Variants in BTBD9 observed in about 807,000 individuals in gnomAD.
BTBD9 encodes BTB domain containing 9.
A neutral mutation model predicts 64.3 loss-of-function variants in BTBD9; 49 were observed. That is an observed-to-expected ratio of 0.76 (90% confidence interval 0.61 to 0.97). BTBD9 has a LOEUF of 0.97. BTBD9 is among the 50% of genes least tolerant of loss of function. The pLI, the probability that BTBD9 is intolerant of heterozygous loss-of-function variation, is 0.00. For missense variants in BTBD9, 598 were observed against 762.1 expected (o/e 0.78, Z 2.53); for synonymous variants, 260 against 274.7 (o/e 0.95, Z 0.53).
At chr6:38,517,071 A>G (rs1431745867) in intron 6 of BTBD9, among the ~76,000 whole-genome samples, 2 of 152,146 alleles carry the variant, frequency 1.3e-5, no homozygotes, top group Non-Finnish European at 2.9e-5. Flanking sequence ...AGACTAGACA[A>G]TCTAAGGGTA....
intron 7 of BTBD9, among the ~76,000 whole-genome samples, chr6:38,315,561 C>T (rs1025583494): frequency 2.6e-5 from 4 of 152,012 alleles, no homozygotes; most frequent in Non-Finnish European, 5.9e-5. Context: ...TAATCTCTTC[C>T]TTGACCCACT....
At chr6:38,240,182 G>GT (rs1321802723) in intron 9 of BTBD9, among the ~76,000 whole-genome samples, 1 of 152,204 alleles carries the variant, frequency 6.6e-6, no homozygotes, top group Non-Finnish European at 1.5e-5. Context: ...TAGGTAGTAA[G>GT]TACTTCCAGA....
intron 9 of BTBD9, among the ~76,000 whole-genome samples, chr6:38,198,826 T>C (rs139381441): frequency 7.2e-5 from 11 of 152,316 alleles, no homozygotes; most frequent in African/African-American, 2.6e-4. Context: ...AATTAATACA[T>C]GCAGACACAT....
intron 8 of BTBD9, among the ~76,000 whole-genome samples, chr6:38,271,781 C>T (rs1444932277): frequency 6.6e-6 from 1 of 152,144 alleles, no homozygotes; most frequent in Non-Finnish European, 1.5e-5. Flanking sequence ...TGAGCTTAGC[C>T]TAGAAATGTC....
intron 6 of BTBD9, among the ~76,000 whole-genome samples, chr6:38,512,057 T>C (rs770341801): frequency 7.9e-5 from 12 of 152,160 alleles, no homozygotes; most frequent in Non-Finnish European, 1.2e-4. Context: ...CACCACAACC[T>C]CTGCCTCCCG....
intron 7 of BTBD9, among the ~76,000 whole-genome samples, 169 bp downstream of exon 7, chr6:38,344,815 T>C (rs1306796561): frequency 6.6e-6 from 1 of 152,252 alleles, no homozygotes; most frequent in Non-Finnish European, 1.5e-5. Flanking sequence ...TTGGAATTAC[T>C]ATATTGAATA....
intron 6 of BTBD9, among the ~76,000 whole-genome samples, chr6:38,555,981 G>A (rs1267885007): frequency 2.0e-5 from 3 of 152,212 alleles, no homozygotes; most frequent in Non-Finnish European, 2.9e-5. Context: ...GAATGTTTGA[G>A]TGGGAACTAA....
At chr6:38,551,553 G>A (rs1179725641) in intron 6 of BTBD9, among the ~76,000 whole-genome samples, 1 of 152,140 alleles carries the variant, frequency 6.6e-6, no homozygotes, top group African/African-American at 2.4e-5. Flanking sequence ...AGCCACTATT[G>A]TTATTTCCAT....
At chr6:38,513,768 T>A (rs566251720) in intron 6 of BTBD9, among the ~76,000 whole-genome samples, 1 of 152,240 alleles carries the variant, frequency 6.6e-6, no homozygotes, top group South Asian at 2.1e-4. Flanking sequence ...AAGTGGTGGC[T>A]TTTTTGGGGA....
At chr6:38,595,795 A>G in intron 2 of BTBD9, 1 of 985,330 alleles carries the variant, frequency 1.0e-6, no homozygotes, top group Non-Finnish European at 1.2e-6. Flanking sequence ...TACTCTGCCT[A>G]AAAGTACCCC....
intron 6 of BTBD9, among the ~76,000 whole-genome samples, chr6:38,482,892 C>G (rs1771223216): frequency 6.6e-6 from 1 of 152,116 alleles, no homozygotes; most frequent in Admixed American, 6.5e-5. Flanking sequence ...AATCTGGGTA[C>G]ATCTATTCTA....
At chr6:38,454,963 T>C (rs1295398466) in intron 6 of BTBD9, among the ~76,000 whole-genome samples, 2 of 152,074 alleles carry the variant, frequency 1.3e-5, no homozygotes, top group African/African-American at 4.8e-5. Flanking sequence ...AACCAACACT[T>C]CCTATAACCA....
At chr6:38,401,171 G>C (rs575696906) in intron 6 of BTBD9, among the ~76,000 whole-genome samples, 108 of 152,250 alleles carry the variant, frequency 7.1e-4, no homozygotes, top group Non-Finnish European at 2.4e-4. Flanking sequence ...CTGGGTCATG[G>C]GGACTGTTTC....
chr6:38,441,590 T>A (rs982930952), intron 6 of BTBD9, among the ~76,000 whole-genome samples: 11 of 151,798 alleles, frequency 7.2e-5, no homozygotes, highest in South Asian at 6.3e-4. Flanking sequence ...TTAAAAAAAA[T>A]TTTTTTTCAT....
intron 6 of BTBD9, among the ~76,000 whole-genome samples, chr6:38,410,812 G>A (rs1246805085): frequency 1.3e-5 from 2 of 152,152 alleles, no homozygotes; most frequent in Admixed American, 1.3e-4. Flanking sequence ...AGGATCACTT[G>A]AGCCTGGGAG....
At chr6:38,457,914 A>G (rs1422710883) in intron 6 of BTBD9, among the ~76,000 whole-genome samples, 4 of 152,288 alleles carry the variant, frequency 2.6e-5, no homozygotes, top group East Asian at 1.9e-4. Context: ...CTGATACTTA[A>G]TAAGTGCTTA....
rs1055377775 is a variant in BTBD9, at chr6:38,350,661, T to C, written c.1155-5568A>G. ...ATATTCTTAGGTTAAACAAAGAATC[T>C]TGAAAACTAGAGTTAGCCTGAGATT... On this transcript the variant is annotated intron_variant, in intron 6 of 10. Coordinates refer to ENST00000481247, the MANE Select transcript of BTBD9 (RefSeq NM_001099272.2). Among the ~76,000 whole-genome samples, 18 of 152,354 alleles carry C rather than the reference T, an allele frequency of 1.2e-4. 1 individual carries two copies. Among genetic ancestry groups the C allele is most frequent in the Non-Finnish European group, 2.1e-4 (14 of 68,030 alleles).
At chr6:38,271,716 C>T (rs1346625023) in intron 8 of BTBD9, among the ~76,000 whole-genome samples, 1 of 152,082 alleles carries the variant, frequency 6.6e-6, no homozygotes, top group African/African-American at 2.4e-5. Context: ...TCTATTTGAG[C>T]AGTAAAGAGT....
intron 6 of BTBD9, among the ~76,000 whole-genome samples, chr6:38,378,470 A>G (rs2127612445): frequency 6.6e-6 from 1 of 151,474 alleles, no homozygotes; most frequent in Middle Eastern, 3.4e-3. Flanking sequence ...TCCTGACCTC[A>G]GACGATCTGC....
Sources: gnomAD v4.1 joint callset for allele counts (sites outside exome capture counted in the v4.1 genomes callset) on GRCh38, gnomAD v4.1.1 for gene constraint, MANE v1.5 for transcripts, NCBI Gene and HGNC (gene_info 2026-07-23, HGNC 2026-07-21) for gene names.